The following RAD54B variants were observed in gnomAD, a reference collection of about 807,000 sequenced individuals.
RAD54B encodes the protein DNA repair and recombination protein RAD54B.
RAD54B carries 78 observed loss-of-function variants against 95.8 expected under a neutral mutation model. The ratio of observed to expected loss-of-function variants is 0.81; its 90% CI spans 0.68 to 0.98. The LOEUF (loss-of-function observed/expected upper bound fraction) is 0.98. RAD54B is among the 50% of genes least tolerant of loss of function. The pLI is 0.00. For synonymous variants in RAD54B, 328 were observed against 354.9 expected, an observed-to-expected ratio of 0.92 and a Z score of 0.85; for missense variants, 957 against 1,056.6, an observed-to-expected ratio of 0.91 and a Z score of 1.31.
At chr8:94,377,971 G>C (rs1375887465) in intron 14 of RAD54B, among the ~76,000 whole-genome samples, 2 of 49,342 alleles carry the variant, frequency 4.1e-5, no homozygotes, top group African/African-American at 1.7e-4. Context: ...GCGAGACTCC[G>C]TCTCAAAAAA....
chr8:94,386,562 A>G (rs1297792587), intron 11 of RAD54B, among the ~76,000 whole-genome samples: 3 of 148,710 alleles, frequency 2.0e-5, no homozygotes, highest in Non-Finnish European at 3.0e-5. Context: ...CACACACTGG[A>G]CCACATGGTA....
In RAD54B at chr8:94,378,612, T is replaced by C. The variant is rs779468249; in HGVS notation, c.2270A>G (p.Asp757Gly). The C allele has an allele frequency of 1.4e-5, 23 of 1,610,400 alleles. No individual in the cohort carries two copies. The highest frequency in any genetic ancestry group is 2.0e-5 in the Non-Finnish European group (23 of 1,177,698). The part of the protein sequence containing the change: ...DIQAMSRVWR[D>G]GQKYPVHIYR... Reference sequence around the variant, plus strand: ...AATATGTACAGGATATTTCTGACCATCTCTCCATACTCTAGACATTGCCTA... The same window carrying C: ...AATATGTACAGGATATTTCTGACCACCTCTCCATACTCTAGACATTGCCTA... The change falls in exon 13 of 15, where the codon GAT becomes GGT. Residue 757 changes from aspartate (D) to glycine (G), a missense_variant. By Grantham distance (94) the Asp-to-Gly change is moderately conservative. Transcript: ENST00000336148.
At chr8:94,414,355 A>T (rs1334731482) in intron 3 of RAD54B, among the ~76,000 whole-genome samples, 4 of 152,162 alleles carry the variant, frequency 2.6e-5, no homozygotes, top group Admixed American at 2.6e-4. Context: ...CAGAACTTCC[A>T]ACACTATGTT....
chr8:94,462,798 CTATT>C (rs1161770386), intron 2 of RAD54B, among the ~76,000 whole-genome samples: 2 of 152,124 alleles, frequency 1.3e-5, no homozygotes, highest in South Asian at 2.1e-4. Context: ...AGTAAAATAA[CTATT>C]TAATTTATTT....
rs551153401 is a variant in RAD54B, at chr8:94,379,117, T to C, written c.2248-483A>G. 1.7e-3 allele frequency among the ~76,000 whole-genome samples: 262 copies of C among 152,344 alleles called. 1 individual carries two copies. The highest frequency in any genetic ancestry group is 2.9e-3 in the South Asian group (14 of 4,818). On this transcript the variant is annotated intron_variant, in intron 12 of 14. Coordinates refer to ENST00000336148, the MANE Select transcript of RAD54B (RefSeq NM_012415.3). Reference sequence around the variant, plus strand: ...AAACCCTGCACATTTCAAATAAAAATCTGGCCTTCAACCAACTTCTAAGAG... The same window carrying C: ...AAACCCTGCACATTTCAAATAAAAACCTGGCCTTCAACCAACTTCTAAGAG...
chr8:94,421,272 A>C (rs536717671), intron 3 of RAD54B, among the ~76,000 whole-genome samples: 12 of 152,172 alleles, frequency 7.9e-5, no homozygotes, highest in Non-Finnish European at 1.2e-4. Flanking sequence ...AGAAATACTG[A>C]ACTATACTTT....
chr8:94,411,374 G>GTCAT (rs1203067068), intron 3 of RAD54B, 59 bp from the exon 4 acceptor site: 1 of 1,373,900 alleles, frequency 7.3e-7, no homozygotes, highest in Non-Finnish European at 9.7e-7. Context: ...AAGTAGTAAG[G>GTCAT]TCATTCAAAC....
intron 11 of RAD54B, among the ~76,000 whole-genome samples, chr8:94,385,227 C>G (rs1316609081): frequency 6.6e-6 from 1 of 152,162 alleles, no homozygotes; most frequent in African/African-American, 2.4e-5. Context: ...TCCCCTATGA[C>G]ATCTTCAAAG....
intron 11 of RAD54B, among the ~76,000 whole-genome samples, chr8:94,385,969 C>T (rs1363162215): frequency 3.3e-5 from 5 of 152,038 alleles, no homozygotes; most frequent in Non-Finnish European, 7.4e-5. Flanking sequence ...GCCTAATGTG[C>T]TAAAGAATTT....
chr8:94,465,402 A>G (rs570276769), intron 2 of RAD54B, among the ~76,000 whole-genome samples: 1 of 152,216 alleles, frequency 6.6e-6, no homozygotes, highest in East Asian at 1.9e-4. Context: ...GCACATGAAA[A>G]GATGCTCAGC....
intron 14 of RAD54B, among the ~76,000 whole-genome samples, chr8:94,373,938 A>G (rs1489057876): frequency 6.6e-6 from 1 of 152,222 alleles, no homozygotes; most frequent in Non-Finnish European, 1.5e-5. Flanking sequence ...TCATTCCTTA[A>G]TATCATCAAA....
intron 11 of RAD54B, among the ~76,000 whole-genome samples, chr8:94,380,890 A>G (rs1810722824): frequency 6.6e-6 from 1 of 152,232 alleles, no homozygotes; most frequent in Non-Finnish European, 1.5e-5. Flanking sequence ...ATTGGTACGT[A>G]GAACCCAGGC....
In RAD54B at chr8:94,372,292, G is replaced by C. The variant is rs1015013570; in HGVS notation, c.2611C>G (p.Leu871Val). ...NSLKPLSMSQLKQWKHFSGDH... is the reference protein window; with the variant it reads ...NSLKPLSMSQVKQWKHFSGDH... ...CCAGAAAAATGTTTCCATTGCTTCA[G>C]CTGGGACATAGAAAGAGGTTTCAGG... is the stretch of plus-strand genomic sequence containing the variant. The change falls in exon 15 of 15, where the codon CTG becomes GTG. Residue 871 changes from leucine to valine, a missense_variant. Physicochemically the swap from Leu to Val is conservative, Grantham distance 32. Transcript: ENST00000336148. 2 of 1,613,802 alleles carry C rather than the reference G, an allele frequency of 1.2e-6. No homozygotes were observed. Among genetic ancestry groups the C allele is most frequent in the East Asian group, 4.5e-5 (2 of 44,802 alleles).
chr8:94,390,569 TATAGATTATATATAG>T (rs1370480150), intron 10 of RAD54B, among the ~76,000 whole-genome samples: 16 of 148,078 alleles, frequency 1.1e-4, no homozygotes, highest in Non-Finnish European at 1.6e-4. Context: ...ATTATATATA[TATAGATTATATATAG>T]AGATTTTATA....
At chr8:94,435,900 A>G (rs1812243987) in intron 3 of RAD54B, among the ~76,000 whole-genome samples, 1 of 152,128 alleles carries the variant, frequency 6.6e-6, no homozygotes, top group African/African-American at 2.4e-5. Context: ...ATTAGGCATT[A>G]ACTCCCTTTA....
At chr8:94,412,174 T>G (rs1265582176) in intron 3 of RAD54B, among the ~76,000 whole-genome samples, 1 of 152,178 alleles carries the variant, frequency 6.6e-6, no homozygotes, top group Non-Finnish European at 1.5e-5. Context: ...GTCCTCCGGG[T>G]TTACCCATGT....
chr8:94,427,672 GAATT>G (rs1350708957), intron 3 of RAD54B: 1 of 972,930 alleles, frequency 1.0e-6, no homozygotes, highest in African/African-American at 1.8e-5. Flanking sequence ...CTACAGTACT[GAATT>G]ATTTGTCTTA....
intron 3 of RAD54B, among the ~76,000 whole-genome samples, chr8:94,434,756 A>G (rs368265368): frequency 6.6e-6 from 1 of 151,682 alleles, no homozygotes; most frequent in Non-Finnish European, 1.5e-5. Context: ...ACACAGTAAC[A>G]TAAGAATTTA....
intron 11 of RAD54B, among the ~76,000 whole-genome samples, chr8:94,381,366 A>G (rs1810735062): frequency 1.3e-5 from 2 of 152,228 alleles, no homozygotes; most frequent in African/African-American, 4.8e-5. Context: ...TTATTAGTCA[A>G]CGAGCCCTGC....
Sources: allele counts gnomAD v4.1 joint callset (sites outside exome capture counted in the v4.1 genomes callset), GRCh38; gene constraint gnomAD v4.1.1; transcripts MANE v1.5; gene names NCBI Gene and HGNC (gene_info 2026-07-23, HGNC 2026-07-21).